The following XPO6 variants were observed in gnomAD, a reference collection of about 807,000 sequenced individuals.
XPO6 encodes exportin 6.
A neutral mutation model predicts 130.0 loss-of-function variants in XPO6; 3 were observed. The observed-to-expected ratio is 0.02, with a 90% CI of 0.01 to 0.06. The LOEUF is 0.06. Among genes scored for constraint, XPO6 ranks in the 10% least tolerant of loss-of-function variants. The pLI, the probability that XPO6 is intolerant of heterozygous loss-of-function variation, is 1.00. For missense variants in XPO6, 970 were observed against 1,393.0 expected, an observed-to-expected ratio of 0.70 and a Z score of 4.83; for synonymous variants, 524 against 548.9, an observed-to-expected ratio of 0.95 and a Z score of 0.63.
Position 28,133,668 on chromosome 16 carries a change from T to C in XPO6, c.1536+173A>G, listed in dbSNP as rs2042719443. Among the ~76,000 whole-genome samples the C allele has an allele frequency of 2.0e-5, 3 of 152,216 alleles. No homozygotes were observed. In the South Asian group the frequency reaches 6.2e-4, roughly 31 times the overall value. On this transcript the variant is annotated intron_variant, in intron 11 of 23. Coordinates refer to ENST00000304658, the MANE Select transcript of XPO6 (RefSeq NM_015171.4). Reference sequence around the variant, plus strand: ...TTCCAAAAGTTGGTTTAATATTTTGTGGAAATGTTAATATTTGTTCAGTTT... The same window carrying C: ...TTCCAAAAGTTGGTTTAATATTTTGCGGAAATGTTAATATTTGTTCAGTTT...
At chr16:28,161,363 T>C (rs1033375586) in intron 6 of XPO6, among the ~76,000 whole-genome samples, 3 of 152,280 alleles carry the variant, frequency 2.0e-5, no homozygotes, top group Admixed American at 6.5e-5. Context: ...TGGAAGAACA[T>C]GAACAAGTTG....
At chr16:28,208,554 G>C (rs2044071075) in intron 1 of XPO6, among the ~76,000 whole-genome samples, 1 of 152,100 alleles carries the variant, frequency 6.6e-6, no homozygotes, top group Non-Finnish European at 1.5e-5. Flanking sequence ...GCCACCCCCT[G>C]TGTACTTAAA....
At chr16:28,156,615 T>C (rs2043188361) in intron 6 of XPO6, 88 bp from the exon 7 acceptor site, 3 of 822,138 alleles carry the variant, frequency 3.6e-6, no homozygotes, top group Non-Finnish European at 5.4e-6. Flanking sequence ...AATATATATA[T>C]ATATGTATAC....
chr16:28,156,032 C>A (rs751887600), intron 7 of XPO6, 42 bp downstream of exon 7: 2 of 1,557,270 alleles, frequency 1.3e-6, no homozygotes, highest in South Asian at 2.5e-5. Flanking sequence ...ACAGTCAGGG[C>A]CCTTTCTTGG....
intron 1 of XPO6, among the ~76,000 whole-genome samples, chr16:28,185,322 T>A (rs1306459783): frequency 6.6e-6 from 1 of 152,084 alleles, no homozygotes; most frequent in Non-Finnish European, 1.5e-5. Context: ...ATTGCACCAA[T>A]GCACTCTAGC....
chr16:28,186,199 C>T (rs2043688789), intron 1 of XPO6, among the ~76,000 whole-genome samples: 1 of 152,056 alleles, frequency 6.6e-6, no homozygotes, highest in South Asian at 2.1e-4. Flanking sequence ...GCTTCTCACT[C>T]TTTTGCAGGT....
chr16:28,137,965 CAG>C (rs1209059609), intron 9 of XPO6, among the ~76,000 whole-genome samples: 1 of 152,124 alleles, frequency 6.6e-6, no homozygotes, highest in East Asian at 1.9e-4. Flanking sequence ...TAACTAGAGA[CAG>C]AGACACTCCC....
chr16:28,168,969 C>A lies in XPO6; in HGVS notation c.565+781G>T, dbSNP rs2043406251. ...GCCAACTTTAAGTGCCCACCACATG[C>A]CAAGCACTAAACTGGAGATATAAAG... On this transcript the variant is annotated intron_variant, in intron 5 of 23. Transcript: ENST00000304658. 2.0e-5 allele frequency among the ~76,000 whole-genome samples: 3 copies of A among 152,064 alleles called. No homozygotes were observed. In the South Asian group the frequency reaches 6.2e-4, roughly 31 times the overall value.
At chr16:28,177,633 G>A (rs1194681621) in intron 2 of XPO6, among the ~76,000 whole-genome samples, 3 of 152,176 alleles carry the variant, frequency 2.0e-5, no homozygotes, top group African/African-American at 7.2e-5. Flanking sequence ...TGGCTGGAAT[G>A]TTCTAAGAGT....
intron 14 of XPO6, 108 bp from the exon 15 acceptor site, chr16:28,117,570 T>TA: frequency 2.3e-6 from 3 of 1,316,918 alleles, no homozygotes; most frequent in Non-Finnish European, 3.1e-6. Flanking sequence ...TTTGCTGTTC[T>TA]AAGACATGGG....
At chr16:28,116,386 C>T (rs1009919897) in intron 15 of XPO6, among the ~76,000 whole-genome samples, 2 of 151,550 alleles carry the variant, frequency 1.3e-5, no homozygotes, top group South Asian at 2.1e-4. Flanking sequence ...GGCGTGAACC[C>T]GGGAGACGGA....
chr16:28,129,851 G>T (rs1010110080), intron 12 of XPO6, among the ~76,000 whole-genome samples: 2 of 152,232 alleles, frequency 1.3e-5, no homozygotes, highest in Admixed American at 1.3e-4. Flanking sequence ...GAGAAATACT[G>T]TCTCAATGAA....
chr16:28,194,626 G>A (rs1234702640), intron 1 of XPO6, among the ~76,000 whole-genome samples: 1 of 152,094 alleles, frequency 6.6e-6, no homozygotes, highest in African/African-American at 2.4e-5. Context: ...CAGAGCACCA[G>A]AAAAGCCCTG....
At chr16:28,156,609 T>A (rs902708658) in intron 6 of XPO6, 82 bp from the exon 7 acceptor site, 62 of 861,318 alleles carry the variant, frequency 7.2e-5, no homozygotes, top group South Asian at 8.5e-5. Context: ...CAAAAAAATA[T>A]ATATATATAT....
intron 12 of XPO6, among the ~76,000 whole-genome samples, chr16:28,127,523 A>C (rs1048380101): frequency 6.6e-6 from 1 of 152,196 alleles, no homozygotes; most frequent in African/African-American, 2.4e-5. Context: ...CTAGAGCAGG[A>C]CAGGGAGTCC....
At position 28,098,519 on chromosome 16, in the gene XPO6, TC is replaced by T. The variant is rs1199692886; in HGVS notation, c.*18del. 3.1e-6 allele frequency: 5 copies of T among 1,596,790 alleles called. No homozygotes were observed. Among genetic ancestry groups the T allele is most frequent in the Non-Finnish European group, 4.3e-6 (5 of 1,168,476 alleles). On this transcript the variant is annotated 3_prime_UTR_variant, in exon 24 of 24. Coordinates refer to ENST00000304658, the MANE Select transcript of XPO6 (RefSeq NM_015171.4). ...CAGGTGGCAGCAGCAGAAGTCCGTG[TC>T]CCCAGGCAGTAGCAGGCCTAGAGCT...
At chr16:28,102,740 CA>C (rs1399810990) in intron 21 of XPO6, among the ~76,000 whole-genome samples, 1 of 150,214 alleles carries the variant, frequency 6.7e-6, no homozygotes, top group South Asian at 2.1e-4. Context: ...AGACTTATCT[CA>C]AAAAAAGAAA....
In XPO6 at chr16:28,169,757, T is replaced by G. The variant is rs1223066789; in HGVS notation, c.558A>C (p.Leu186=). 4 of 1,613,872 alleles carry G rather than the reference T, an allele frequency of 2.5e-6. No homozygotes were observed. The highest frequency in any genetic ancestry group is 3.4e-6 in the Non-Finnish European group (4 of 1,179,924). Reference sequence around the variant, plus strand: ...CACTACCATACTGCTCACCTGTCAGTAGCCCAAGCACTGTCTGCACCTGGT... The same window carrying G: ...CACTACCATACTGCTCACCTGTCAGGAGCCCAAGCACTGTCTGCACCTGGT... ...LLDQVQTVLG[L]LTGILETVWD... Residue 186 remains leucine, a synonymous_variant, in exon 5 of 24, where the codon CTA becomes CTC. Transcript: ENST00000304658.
chr16:28,110,359 CAGGCAAGACCTTTA>C (rs1567594800), intron 17 of XPO6, among the ~76,000 whole-genome samples: 1 of 152,212 alleles, frequency 6.6e-6, no homozygotes, highest in Non-Finnish European at 1.5e-5. Context: ...GTGTTAGTTT[CAGGCAAGACCTTTA>C]AGAACCACTA....
Sources: gnomAD v4.1 joint callset for allele counts (sites outside exome capture counted in the v4.1 genomes callset) on GRCh38, gnomAD v4.1.1 for gene constraint, MANE v1.5 for transcripts, NCBI Gene and HGNC (gene_info 2026-07-23, HGNC 2026-07-21) for gene names.